Variants in IL17RB observed in about 807,000 individuals in gnomAD.
The protein encoded by IL17RB is interleukin-17 receptor B.
A neutral mutation model predicts 43.9 loss-of-function variants in IL17RB; 36 were observed. The ratio of observed to expected loss-of-function variants is 0.82; its 90% CI spans 0.63 to 1.08. The LOEUF is 1.08. Among genes scored for constraint, IL17RB ranks in the 50% least tolerant of loss-of-function variants. The pLI, the probability that IL17RB is intolerant of heterozygous loss-of-function variation, is 0.00. For synonymous variants in IL17RB, 225 were observed against 225.4 expected, an observed-to-expected ratio of 1.00 and a Z score of 0.02; for missense variants, 613 against 613.6, an observed-to-expected ratio of 1.00 and a Z score of 0.01.
chr3:53,861,295 A>C (rs12496275), intron 10 of IL17RB: 3 of 148,568 alleles, frequency 2.0e-5, no homozygotes, highest in Admixed American at 1.4e-4. Flanking sequence ...AGCAAAAAAA[A>C]CTTTTTTTTT....
chr3:53,859,568 TG>T (rs1699482607), intron 9 of IL17RB: 1 of 152,526 alleles, frequency 6.6e-6, no homozygotes, highest in South Asian at 2.1e-4. Context: ...CAAGACGGCC[TG>T]TAAAAATGTC....
chr3:53,852,934 A>G lies in IL17RB; in HGVS notation c.418A>G (p.Asn140Asp), dbSNP rs759747722. The change falls in exon 5 of 11, where the codon AAT (asparagine) becomes GAT (aspartate). Residue 140 changes from asparagine (N) to aspartate (D), a missense_variant. Transcript: ENST00000288167. ...CACAGTCTATTTCATTGGGGCCCAT[A>G]ATATTCCTAATGCAAATATGAATGA... The part of the protein sequence containing the change: ...LNTVYFIGAH[N>D]IPNANMNEDG... 6.2e-7 allele frequency: 1 copy of G among 1,613,516 alleles called. No homozygotes were observed. The highest frequency in any genetic ancestry group is 8.5e-7 in the Non-Finnish European group (1 of 1,179,400).
In IL17RB at chr3:53,852,886, A is replaced by G. The variant is rs758631690; in HGVS notation, c.370A>G (p.Ile124Val). The G allele has an allele frequency of 5.6e-6, 9 of 1,613,874 alleles. No homozygotes were observed. Among genetic ancestry groups the G allele is most frequent in the East Asian group, 2.2e-5 (1 of 44,880 alleles). ...TGCCTTTCAGTGGACATTTTCCTAC[A>G]TCGGCTTCCCTGTAGAGCTGAACAC... ...PSGGKWTFSY[I>V]GFPVELNTVY... Residue 124 changes from isoleucine to valine, a missense_variant, in exon 5 of 11, where the codon ATC becomes GTC. Coordinates refer to ENST00000288167, the MANE Select transcript of IL17RB (RefSeq NM_018725.4).
chr3:53,864,321 G>A (rs969409169), intron 10 of IL17RB, among the ~76,000 whole-genome samples: 1 of 152,186 alleles, frequency 6.6e-6, no homozygotes, highest in Non-Finnish European at 1.5e-5. Context: ...CGGAACACGA[G>A]GTCAGGAGAT....
intron 8 of IL17RB, 103 bp downstream of exon 8, chr3:53,857,793 C>G (rs564586777): frequency 4.0e-6 from 4 of 1,011,172 alleles, no homozygotes; most frequent in Non-Finnish European, 6.2e-6. Flanking sequence ...TGCACTTCTG[C>G]CAGCAGACAC....
intron 8 of IL17RB, 26 bp from the exon 9 acceptor site, chr3:53,858,692 CT>C (rs1449527889): frequency 6.2e-7 from 1 of 1,611,830 alleles, no homozygotes; most frequent in Admixed American, 1.7e-5. Context: ...ATGGTGTGAA[CT>C]TTCTGAGCCT....
intron 2 of IL17RB, 139 bp downstream of exon 2, chr3:53,848,827 G>A: frequency 1.1e-6 from 1 of 923,650 alleles, no homozygotes; most frequent in Non-Finnish European, 1.8e-6. Context: ...TGCAGATGAA[G>A]TCTCTGTCTG....
At chr3:53,855,170 A>G (rs1240510417) in intron 5 of IL17RB, 124 bp from the exon 6 acceptor site, 3 of 452,042 alleles carry the variant, frequency 6.6e-6, no homozygotes, top group Admixed American at 4.0e-5. Context: ...TTGCCATCTT[A>G]CATCTGGAAT....
chr3:53,862,548 T>C (rs972254873), intron 10 of IL17RB, among the ~76,000 whole-genome samples: 1 of 151,198 alleles, frequency 6.6e-6, no homozygotes. Context: ...AGGTGGGGGG[T>C]GAAGGGTTTC....
At chr3:53,860,938 A>G (rs1699541338) in intron 10 of IL17RB, 1 of 152,226 alleles carries the variant, frequency 6.6e-6, no homozygotes, top group African/African-American at 2.4e-5. Context: ...TTCACAGTTG[A>G]GAGAAACGTG....
At position 53,857,660 on chromosome 3, in the gene IL17RB, G is replaced by A. The variant is rs2232344; in HGVS notation, c.717G>A (p.Val239=). 2.8e-3 allele frequency: 4,551 copies of A among 1,614,160 alleles called. 81 individuals are homozygous for A. In the African/African-American group the frequency reaches 0.045, roughly 16 times the overall value. Residue 239 remains valine, a synonymous_variant, in exon 8 of 11, where the codon GTG becomes GTA. Coordinates refer to ENST00000288167, the MANE Select transcript of IL17RB (RefSeq NM_018725.4). ...KQTRASVVIP[V]TGDSEGATVQ... ...CGCGAGCTTCAGTGGTGATTCCAGT[G>A]ACTGGGGATAGTGAAGGTGCTACGG...
rs768232291 is a variant in IL17RB, at chr3:53,856,958, C to T, written c.644C>T (p.Thr215Ile). The change falls in exon 7 of 11, where the codon ACT becomes ATT. Residue 215 changes from threonine to isoleucine, a missense_variant. Physicochemically the swap from Thr to Ile is moderately conservative, Grantham distance 89. Transcript: ENST00000288167. ...NRYMALIQHSTIIGFSQVFEP... is the reference protein window; with the variant it reads ...NRYMALIQHSIIIGFSQVFEP... Reference sequence around the variant, plus strand: ...TACATGGCTCTTATCCAACACAGCACTATCATCGGGTTTTCTCAGGTGTTT... The same window carrying T: ...TACATGGCTCTTATCCAACACAGCATTATCATCGGGTTTTCTCAGGTGTTT... 5 of 1,614,030 alleles carry T rather than the reference C, an allele frequency of 3.1e-6. No individual in the cohort carries two copies. Among genetic ancestry groups the T allele is most frequent in the Non-Finnish European group, 3.4e-6 (4 of 1,180,032 alleles).
At chr3:53,863,950 G>A (rs997550669) in intron 10 of IL17RB, among the ~76,000 whole-genome samples, 2 of 151,770 alleles carry the variant, frequency 1.3e-5, no homozygotes, top group Admixed American at 6.6e-5. Context: ...AGCCGCCTGA[G>A]TAGCTGGGAC....
rs1205552854 is a variant in IL17RB, at chr3:53,865,242, T to C, written c.1443T>C (p.His481=). Residue 481 remains histidine (H), a synonymous_variant, in exon 11 of 11, where the codon CAT becomes CAC. Coordinates refer to ENST00000288167, the MANE Select transcript of IL17RB (RefSeq NM_018725.4). ...DATAFCAELL[H]VKQQVSAGKR... ...CTGCTTTCTGTGCAGAACTTCTCCA[T>C]GTCAAGCAGCAGGTGTCAGCAGGAA... 1 of 1,613,226 alleles carries C rather than the reference T, an allele frequency of 6.2e-7. No individual in the cohort carries two copies. Among genetic ancestry groups the C allele is most frequent in the Admixed American group, 1.7e-5 (1 of 60,008 alleles).
In IL17RB at chr3:53,855,751, G is replaced by C. The variant is rs376235651; in HGVS notation, c.529+410G>C. Among the ~76,000 whole-genome samples the C allele has an allele frequency of 2.4e-4, 36 of 152,262 alleles. 5 individuals are homozygous for C. The highest frequency in any genetic ancestry group is 2.0e-3 in the Admixed American group (31 of 15,302). ...GCCATGGGGATCCTAAGAACCTTCT[G>C]TTTGGATTAGCAAACATTCGAGGTG... is the stretch of plus-strand genomic sequence containing the variant. On this transcript the variant is annotated intron_variant, in intron 6 of 10. Coordinates refer to ENST00000288167, the MANE Select transcript of IL17RB (RefSeq NM_018725.4).
At chr3:53,862,854 T>C (rs777868154) in intron 10 of IL17RB, among the ~76,000 whole-genome samples, 20 of 152,018 alleles carry the variant, frequency 1.3e-4, no homozygotes, top group Non-Finnish European at 2.8e-4. Flanking sequence ...TTTAGAAAAA[T>C]GAAAAAGCAA....
chr3:53,855,198 C>A, intron 5 of IL17RB, 96 bp from the exon 6 acceptor site: 4 of 479,692 alleles, frequency 8.3e-6, no homozygotes, highest in Non-Finnish European at 1.1e-5. Flanking sequence ...CAATTTGTTA[C>A]AGGTGTGGTA....
At chr3:53,857,738 G>A in intron 8 of IL17RB, 48 bp downstream of exon 8, 3 of 1,478,578 alleles carry the variant, frequency 2.0e-6, no homozygotes, top group Non-Finnish European at 2.8e-6. Context: ...ATAGAAGACT[G>A]TTCCATCATT....
rs1699161417 is a variant in IL17RB, at chr3:53,851,860, G to C, written c.227-139G>C. ...TCACGAACCCCATCTGTAAACTGGAGACAGTGGTGCCTACCTTTCAGTACT... is the reference window on the plus strand; with the variant it reads ...TCACGAACCCCATCTGTAAACTGGACACAGTGGTGCCTACCTTTCAGTACT... On this transcript the variant is annotated intron_variant, in intron 3 of 10. Transcript: ENST00000288167. The C allele has an allele frequency of 1.2e-5, 11 of 954,796 alleles. No individual in the cohort carries two copies. The South Asian group carries it at 1.8e-4, about 15-fold the overall frequency. The allele number at this position is 954,796 out of a possible 1,614,324, so 59.1% of individuals were successfully genotyped here.
Sources: allele counts gnomAD v4.1 joint callset (sites outside exome capture counted in the v4.1 genomes callset), GRCh38; gene constraint gnomAD v4.1.1; transcripts MANE v1.5; gene names NCBI Gene and HGNC (gene_info 2026-07-23, HGNC 2026-07-21).